MAGI1: variants seen among roughly 807,000 people sequenced by gnomAD.
The protein encoded by MAGI1 is membrane-associated guanylate kinase, WW and PDZ domain-containing protein 1.
A neutral mutation model predicts 139.9 loss-of-function variants in MAGI1; 58 were observed. The ratio of observed to expected loss-of-function variants is 0.41; its 90% CI spans 0.34 to 0.52. MAGI1 has a LOEUF of 0.52. Ranked by LOEUF, MAGI1 falls within the 20% of genes least tolerant of loss-of-function variation. The pLI, the probability that MAGI1 is intolerant of heterozygous loss-of-function variation, is 0.12. For synonymous variants in MAGI1, 812 were observed against 737.9 expected (o/e 1.10, Z -1.63); for missense variants, 1,874 against 1,901.6 (o/e 0.99, Z 0.27).
intron 17 of MAGI1, among the ~76,000 whole-genome samples, chr3:65,376,774 A>G (rs904763241): frequency 2.0e-5 from 3 of 152,132 alleles, no homozygotes; most frequent in Non-Finnish European, 2.9e-5. Context: ...GGTTCAAATC[A>G]TTCCTCACCC....
intron 1 of MAGI1, among the ~76,000 whole-genome samples, chr3:65,812,097 C>T (rs138904305): frequency 2.6e-5 from 4 of 152,142 alleles, no homozygotes; most frequent in East Asian, 3.9e-4. Context: ...TGTGTCTCTC[C>T]GTAACTCAAA....
At chr3:65,735,372 T>G (rs2034632182) in intron 1 of MAGI1, among the ~76,000 whole-genome samples, 1 of 114,190 alleles carries the variant, frequency 8.8e-6, no homozygotes, top group Non-Finnish European at 1.8e-5. Context: ...TGTGTGTGTG[T>G]GTGTGTACAG....
chr3:65,367,451 T>C (rs1430898265), intron 18 of MAGI1, among the ~76,000 whole-genome samples: 1 of 152,196 alleles, frequency 6.6e-6, no homozygotes, highest in Non-Finnish European at 1.5e-5. Context: ...ATTTTAAGCA[T>C]AGTAAAATTA....
At chr3:65,873,558 G>C (rs2060010283) in intron 1 of MAGI1, 1 of 152,146 alleles carries the variant, frequency 6.6e-6, no homozygotes, top group East Asian at 1.9e-4. Flanking sequence ...AGACAAAGGG[G>C]GACTGCTGAA....
intron 2 of MAGI1, chr3:65,597,925 T>TG (rs57059846): frequency 0.14 from 53,327 of 384,448 alleles, 2,797 homozygotes; most frequent in Non-Finnish European, 0.18. Flanking sequence ...GAGGCGGGGG[T>TG]GGGGGGGGGG....
At chr3:65,776,635 T>C (rs1391911967) in intron 1 of MAGI1, among the ~76,000 whole-genome samples, 2 of 152,140 alleles carry the variant, frequency 1.3e-5, no homozygotes, top group Admixed American at 6.5e-5. Context: ...CAATAATTAA[T>C]GCCAGCTTTC....
intron 1 of MAGI1, among the ~76,000 whole-genome samples, chr3:65,710,282 T>C (rs886392069): frequency 7.1e-6 from 1 of 140,378 alleles, no homozygotes; most frequent in Non-Finnish European, 1.5e-5. Flanking sequence ...TTTTTTTTTT[T>C]TTTTTTTTTT....
chr3:65,812,770 G>C (rs1226690392), intron 1 of MAGI1, among the ~76,000 whole-genome samples: 2 of 131,746 alleles, frequency 1.5e-5, no homozygotes, highest in Non-Finnish European at 3.1e-5. Flanking sequence ...GAGTGCAATG[G>C]TGCAATCTCA....
intron 2 of MAGI1, among the ~76,000 whole-genome samples, chr3:65,601,743 A>G (rs1219874464): frequency 6.6e-6 from 1 of 152,122 alleles, no homozygotes; most frequent in Non-Finnish European, 1.5e-5. Context: ...AAAAAAACAG[A>G]AATTAGACAG....
chr3:65,483,339 C>T (rs1487283956), intron 3 of MAGI1, among the ~76,000 whole-genome samples: 2 of 152,184 alleles, frequency 1.3e-5, no homozygotes, highest in South Asian at 2.1e-4. Flanking sequence ...TCTTACCTGA[C>T]CTGTCTGGCC....
chr3:65,786,566 G>A (rs1269773921), intron 1 of MAGI1, among the ~76,000 whole-genome samples: 1 of 150,452 alleles, frequency 6.6e-6, no homozygotes, highest in Non-Finnish European at 1.5e-5. Context: ...GCCTCCAAGA[G>A]TGCTGGGATT....
chr3:65,678,643 T>G (rs2087358193), intron 1 of MAGI1, among the ~76,000 whole-genome samples: 1 of 152,190 alleles, frequency 6.6e-6, no homozygotes, highest in African/African-American at 2.4e-5. Flanking sequence ...TAACTGACAC[T>G]AACCCACAGC....
At chr3:65,896,550 T>C (rs1306292269) in intron 1 of MAGI1, among the ~76,000 whole-genome samples, 2 of 152,270 alleles carry the variant, frequency 1.3e-5, no homozygotes, top group Admixed American at 1.3e-4. Flanking sequence ...TGGTTCACAC[T>C]TGTAGTCCCA....
chr3:65,705,470 T>C (rs1233368350), intron 1 of MAGI1, among the ~76,000 whole-genome samples: 1 of 152,244 alleles, frequency 6.6e-6, no homozygotes, highest in Non-Finnish European at 1.5e-5. Context: ...TGGTTAAGTT[T>C]GTGTTATGTG....
chr3:65,940,363 G>A (rs567597038), intron 1 of MAGI1, among the ~76,000 whole-genome samples: 1 of 152,222 alleles, frequency 6.6e-6, no homozygotes, highest in South Asian at 2.1e-4. Flanking sequence ...CAGAGCTCTG[G>A]AGGCTGAAGT....
intron 1 of MAGI1, among the ~76,000 whole-genome samples, chr3:65,696,587 T>G: frequency 6.6e-6 from 1 of 152,172 alleles, no homozygotes; most frequent in Non-Finnish European, 1.5e-5. Flanking sequence ...ATAGCTTAAC[T>G]GCCCATGAAA....
intron 1 of MAGI1, chr3:66,008,993 T>C (rs1055883192): frequency 6.6e-6 from 1 of 152,274 alleles, no homozygotes; most frequent in African/African-American, 2.4e-5. Flanking sequence ...TCCCCATTTG[T>C]ATAAAAGTTT....
chr3:65,889,031 A>G (rs1386552873), intron 1 of MAGI1, among the ~76,000 whole-genome samples: 1 of 152,224 alleles, frequency 6.6e-6, no homozygotes, highest in Non-Finnish European at 1.5e-5. Flanking sequence ...AATGACCTCT[A>G]TAGGCTAGTA....
At chr3:65,486,718 T>C (rs1183531714) in intron 3 of MAGI1, among the ~76,000 whole-genome samples, 1 of 152,188 alleles carries the variant, frequency 6.6e-6, no homozygotes, top group Non-Finnish European at 1.5e-5. Flanking sequence ...TTCTATGCCT[T>C]GTGAGGGATG....
Sources: allele counts gnomAD v4.1 joint callset (sites outside exome capture counted in the v4.1 genomes callset), GRCh38; gene constraint gnomAD v4.1.1; transcripts MANE v1.5; gene names NCBI Gene and HGNC (gene_info 2026-07-23, HGNC 2026-07-21).